ZNF469: variants seen among roughly 807,000 people sequenced by gnomAD.
The protein encoded by ZNF469 is zinc finger protein 469.
In ZNF469, 1 loss-of-function variant was observed where a neutral mutation model predicts 1.0. That is an observed-to-expected ratio of 1.00 (90% CI 0.35 to 4.73). The LOEUF (loss-of-function observed/expected upper bound fraction) is 4.73. Ranked by LOEUF, ZNF469 falls within the 30% of genes most tolerant of loss-of-function variation. ZNF469 has a pLI of 0.16. For missense variants in ZNF469, 6,100 were observed against 5,356.3 expected (o/e 1.14, Z -4.33); for synonymous variants, 2,703 against 2,363.4 (o/e 1.14, Z -4.17).
At chr16:88,132,411 A>AGC in the ZNF469 span, among the ~76,000 whole-genome samples, 4,988 of 151,858 alleles carry the variant, frequency 0.033, no homozygotes, top group African/African-American at 0.11. Context: ...GCCCACCCAG[A>AGC]GCGCCGCGTA....
At chr16:88,263,547 G>C in the ZNF469 span, among the ~76,000 whole-genome samples, 2 of 152,206 alleles carry the variant, frequency 1.3e-5, no homozygotes, top group Non-Finnish European at 2.9e-5. Flanking sequence ...GGTTGGCTGA[G>C]GGCATGGGGT....
In ZNF469 at chr16:88,428,107, A is replaced by G; in HGVS notation, c.637A>G (p.Ser213Gly). The change falls in exon 3 of 3, where the codon AGC (serine) becomes GGC (glycine). Residue 213 changes from serine to glycine, a missense_variant. Transcript: ENST00000565624. ...PRPPAPGPPQSRGTSPLQPGS... is the reference protein window; with the variant it reads ...PRPPAPGPPQGRGTSPLQPGS... ...GCCCCCAGCCCCGGGGCCCCCCCAG[A>G]GCAGGGGCACCAGCCCCCTCCAGCC... 1 of 1,549,386 alleles carries G rather than the reference A, an allele frequency of 6.5e-7. No homozygotes were observed. The highest frequency in any genetic ancestry group is 8.7e-7 in the Non-Finnish European group (1 of 1,146,438).
the ZNF469 span, among the ~76,000 whole-genome samples, chr16:88,208,562 GGAAGGAGA>G: frequency 3.4e-5 from 1 of 29,606 alleles, no homozygotes; most frequent in Admixed American, 3.8e-4. Context: ...AAGGAGGGAG[GGAAGGAGA>G]GAGGGAAGGA....
At chr16:88,193,098 GTT>G in the ZNF469 span, among the ~76,000 whole-genome samples, 2 of 116,918 alleles carry the variant, frequency 1.7e-5, no homozygotes. Flanking sequence ...TGGTGATGGT[GTT>G]GATGGTGGTG....
Position 88,431,584 on chromosome 16 carries a change from G to C in ZNF469, c.4114G>C (p.Gly1372Arg). The C allele has an allele frequency of 1.9e-6, 3 of 1,550,448 alleles. No individual in the cohort carries two copies. The highest frequency in any genetic ancestry group is 1.7e-6 in the Non-Finnish European group (2 of 1,146,988). ...CTTGGGGGTTCCAGTTGCCAAAAAG[G>C]GGCCTCAGCCCTACAGCAGCCCCCA... ...DPLGVPVAKK[G>R]PQPYSSPHSE... is the part of the protein sequence containing the mutation. The change falls in exon 3 of 3, where the codon GGG becomes CGG. Residue 1372 changes from glycine to arginine, a missense_variant. Transcript: ENST00000565624.
At chr16:88,148,511 G>T in the ZNF469 span, among the ~76,000 whole-genome samples, 1 of 152,180 alleles carries the variant, frequency 6.6e-6, no homozygotes, top group Non-Finnish European at 1.5e-5. Flanking sequence ...TGGCCAGAGG[G>T]GCAATGTGGA....
chr16:88,112,083 G>T, the ZNF469 span, among the ~76,000 whole-genome samples: 1 of 152,034 alleles, frequency 6.6e-6, no homozygotes, highest in African/African-American at 2.4e-5. Flanking sequence ...TTATCTGTTT[G>T]TCTATTGATA....
chr16:88,169,761 C>A, the ZNF469 span, among the ~76,000 whole-genome samples: 1 of 152,200 alleles, frequency 6.6e-6, no homozygotes, highest in African/African-American at 2.4e-5. This position sits in a 1 kb window ranked among gnomAD's most constrained non-coding sequence, Gnocchi z 6.1. Context: ...AGGGCTTTGG[C>A]GTGTGCATGT....
chr16:88,143,187 C>G, the ZNF469 span, among the ~76,000 whole-genome samples: 2 of 152,220 alleles, frequency 1.3e-5, no homozygotes, highest in African/African-American at 4.8e-5. Flanking sequence ...GGAGCTTCTT[C>G]AGTCATGGCA....
chr16:88,335,513 C>T, the ZNF469 span, among the ~76,000 whole-genome samples: 1 of 152,228 alleles, frequency 6.6e-6, no homozygotes, highest in Non-Finnish European at 1.5e-5. Flanking sequence ...GCCAGGCCCC[C>T]TCCTCGGCCC....
the ZNF469 span, among the ~76,000 whole-genome samples, chr16:88,119,527 G>A: frequency 0.011 from 1,624 of 152,312 alleles, 29 homozygotes; most frequent in African/African-American, 0.036. Flanking sequence ...CAAAGTTTTC[G>A]TCAGAATGCC....
At chr16:88,419,315 G>A (rs919560069) in intron 1 of ZNF469, among the ~76,000 whole-genome samples, 3 of 152,186 alleles carry the variant, frequency 2.0e-5, no homozygotes, top group Non-Finnish European at 4.4e-5. Context: ...GGAGGGAACC[G>A]ACAGACTGGA....
the ZNF469 span, among the ~76,000 whole-genome samples, chr16:88,207,732 C>T: frequency 6.2e-5 from 9 of 144,872 alleles, no homozygotes; most frequent in Non-Finnish European, 1.4e-4. Context: ...GTGGCCGCAT[C>T]GCTCCCGTCC....
At chr16:88,111,202 A>T in the ZNF469 span, among the ~76,000 whole-genome samples, 4,938 of 152,304 alleles carry the variant, frequency 0.032, 134 homozygotes, top group African/African-American at 0.076. Flanking sequence ...AGGCCTTTTG[A>T]ACTAAAACCA....
the ZNF469 span, among the ~76,000 whole-genome samples, chr16:88,355,341 C>G: frequency 6.6e-6 from 1 of 152,238 alleles, no homozygotes; most frequent in Non-Finnish European, 1.5e-5. Context: ...TGCTACAAAA[C>G]AAAGAAGCTA....
Position 88,435,277 on chromosome 16 carries a change from C to G in ZNF469, c.7807C>G (p.His2603Asp). ...RPDQAREDEL[H>D]PKQAEKREGR... The stretch of plus-strand genomic sequence containing the variant: ...AGACCAGGCCAGGGAAGATGAGCTG[C>G]ATCCCAAACAGGCAGAAAAAAGAGA... Residue 2603 changes from histidine (H) to aspartate (D), a missense_variant, in exon 3 of 3, where the codon CAT becomes GAT. Transcript: ENST00000565624. 1 of 1,550,382 alleles carries G rather than the reference C, an allele frequency of 6.5e-7. No individual in the cohort carries two copies. Among genetic ancestry groups the G allele is most frequent in the Non-Finnish European group, 8.7e-7 (1 of 1,146,994 alleles).
At chr16:88,370,345 G>A in the ZNF469 span, among the ~76,000 whole-genome samples, 1 of 152,082 alleles carries the variant, frequency 6.6e-6, no homozygotes, top group Non-Finnish European at 1.5e-5. Context: ...AGCGTGGGGC[G>A]GGCTCCACCT....
the ZNF469 span, among the ~76,000 whole-genome samples, chr16:88,222,297 T>G: frequency 1.3e-5 from 2 of 152,202 alleles, no homozygotes; most frequent in Admixed American, 6.5e-5. Context: ...TTTGTTTGTT[T>G]GTTTGTTTAG....
chr16:88,284,250 A>T, the ZNF469 span, among the ~76,000 whole-genome samples: 75 of 152,314 alleles, frequency 4.9e-4, 1 homozygote, highest in South Asian at 8.3e-4. Context: ...TTGAGCAATT[A>T]TCTCTTGGCT....
Sources: gnomAD v4.1 joint callset for allele counts (sites outside exome capture counted in the v4.1 genomes callset) on GRCh38, gnomAD v4.1.1 for gene constraint, Gnocchi (gnomAD v3.1) non-coding constraint, MANE v1.5 for transcripts, NCBI Gene and HGNC (gene_info 2026-07-23, HGNC 2026-07-21) for gene names.